TFEC: variants seen among roughly 807,000 people sequenced by gnomAD.
TFEC encodes class E basic helix-loop-helix protein 34.
TFEC carries 31 observed loss-of-function variants against 41.6 expected under a neutral mutation model. That is an observed-to-expected ratio of 0.74 (90% CI 0.56 to 1.01). TFEC has a LOEUF of 1.01. TFEC is among the 50% of genes least tolerant of loss of function. The pLI, the probability that TFEC is intolerant of heterozygous loss-of-function variation, is 0.00. For synonymous variants in TFEC, 143 were observed against 140.6 expected, an observed-to-expected ratio of 1.02 and a Z score of -0.12; for missense variants, 402 against 404.1, an observed-to-expected ratio of 0.99 and a Z score of 0.04.
intron 3 of TFEC, among the ~76,000 whole-genome samples, chr7:116,093,646 T>G (rs1478934581): frequency 6.6e-6 from 1 of 152,180 alleles, no homozygotes; most frequent in Admixed American, 6.5e-5. Flanking sequence ...ATTTTACATC[T>G]GCTATGCCAA....
chr7:116,041,642 T>C (rs1796039362), intron 3 of TFEC, among the ~76,000 whole-genome samples: 1 of 152,192 alleles, frequency 6.6e-6, no homozygotes, highest in South Asian at 2.1e-4. Context: ...GTAATTCTCT[T>C]CTCCTGTGTA....
chr7:115,943,671 T>C (rs1333685652), intron 6 of TFEC, among the ~76,000 whole-genome samples: 1 of 151,614 alleles, frequency 6.6e-6, no homozygotes. Flanking sequence ...TTCAACAAAG[T>C]AGGCATTACA....
intron 3 of TFEC, among the ~76,000 whole-genome samples, chr7:116,038,424 T>C (rs1323852739): frequency 6.6e-6 from 1 of 151,976 alleles, no homozygotes; most frequent in East Asian, 1.9e-4. Flanking sequence ...CACTAAGGCA[T>C]AAACGACTGA....
chr7:116,002,407 T>C (rs1338738662), intron 1 of TFEC, among the ~76,000 whole-genome samples: 2 of 152,210 alleles, frequency 1.3e-5, no homozygotes, highest in South Asian at 2.1e-4. Context: ...CATTTTGTTA[T>C]GTGAAATAAG....
At chr7:116,081,104 A>G (rs1156296046) in intron 3 of TFEC, among the ~76,000 whole-genome samples, 1 of 151,828 alleles carries the variant, frequency 6.6e-6, no homozygotes, top group African/African-American at 2.4e-5. Context: ...ATTCTAAGTG[A>G]AGTACCTCCG....
chr7:116,082,375 G>A (rs1301646053), intron 3 of TFEC, among the ~76,000 whole-genome samples: 2 of 151,866 alleles, frequency 1.3e-5, no homozygotes, highest in Non-Finnish European at 2.9e-5. Context: ...ACACTGAAAC[G>A]ATGGTATCTA....
At chr7:116,090,840 C>G (rs1190735147) in intron 3 of TFEC, among the ~76,000 whole-genome samples, 1 of 151,826 alleles carries the variant, frequency 6.6e-6, no homozygotes, top group African/African-American at 2.4e-5. Context: ...AGCTGTAAAC[C>G]ATTATTCTCA....
chr7:116,041,077 C>T (rs1796025156), intron 3 of TFEC, among the ~76,000 whole-genome samples: 1 of 151,988 alleles, frequency 6.6e-6, no homozygotes, highest in African/African-American at 2.4e-5. Flanking sequence ...TGAAAAGGAT[C>T]GGTTAAAAGT....
chr7:116,114,533 TTCTGGATGCTGAGGGCA>T (rs1400753880), intron 1 of TFEC, among the ~76,000 whole-genome samples: 1 of 151,964 alleles, frequency 6.6e-6, no homozygotes, highest in Non-Finnish European at 1.5e-5. Flanking sequence ...TTGAGAGATG[TTCTGGATGCTGAGGGCA>T]TCTGGATGCT....
chr7:115,976,929 A>G (rs1029863998), intron 2 of TFEC, among the ~76,000 whole-genome samples: 1 of 152,180 alleles, frequency 6.6e-6, no homozygotes, highest in Non-Finnish European at 1.5e-5. Context: ...CCCTTATTCC[A>G]GAAAGAAACT....
At chr7:115,968,299 A>G (rs1023651559) in intron 3 of TFEC, 1 of 1,508,846 alleles carries the variant, frequency 6.6e-7, no homozygotes, top group Non-Finnish European at 8.8e-7. Context: ...CTGTGTGGAA[A>G]CTTCTACACT....
chr7:115,995,967 C>G (rs1386765554), intron 1 of TFEC, among the ~76,000 whole-genome samples: 2 of 152,174 alleles, frequency 1.3e-5, no homozygotes, highest in Non-Finnish European at 2.9e-5. Context: ...ATGGGTAAAG[C>G]TCTCTGGGTT....
intron 1 of TFEC, among the ~76,000 whole-genome samples, chr7:116,131,714 T>G (rs1037920460): frequency 6.6e-6 from 1 of 152,200 alleles, no homozygotes; most frequent in Non-Finnish European, 1.5e-5. Context: ...TCAAGTATTG[T>G]TCCATCTTGT....
chr7:116,105,780 G>A (rs530326695), intron 3 of TFEC, among the ~76,000 whole-genome samples: 1 of 152,036 alleles, frequency 6.6e-6, no homozygotes, highest in Non-Finnish European at 1.5e-5. Flanking sequence ...GCCAAAAAGA[G>A]ACAGATTTAA....
intron 5 of TFEC, among the ~76,000 whole-genome samples, chr7:115,953,882 T>C (rs1792078866): frequency 6.6e-6 from 1 of 152,110 alleles, no homozygotes; most frequent in Admixed American, 6.6e-5. Context: ...GAATTTGCAA[T>C]ATTTTATTTA....
At chr7:116,025,420 C>A (rs1584716605) in intron 1 of TFEC, among the ~76,000 whole-genome samples, 1 of 152,116 alleles carries the variant, frequency 6.6e-6, no homozygotes, top group African/African-American at 2.4e-5. Flanking sequence ...TCTTAGAGCT[C>A]CTAAATCCAA....
intron 1 of TFEC, among the ~76,000 whole-genome samples, chr7:116,123,041 C>T (rs1349977452): frequency 6.6e-6 from 1 of 151,838 alleles, no homozygotes; most frequent in African/African-American, 2.4e-5. Flanking sequence ...AAGAAAAAAA[C>T]AGAGAAAGGA....
chr7:116,036,336 C>T (rs1795909004), intron 3 of TFEC, among the ~76,000 whole-genome samples: 1 of 152,084 alleles, frequency 6.6e-6, no homozygotes, highest in African/African-American at 2.4e-5. Context: ...CCTTCACGAA[C>T]ACATTAATTT....
chr7:116,122,519 A>C lies in TFEC; in HGVS notation c.-68-10481T>G, dbSNP rs1204454406. Among the ~76,000 whole-genome samples the C allele has an allele frequency of 1.3e-5, 2 of 152,010 alleles. 1 individual carries two copies. Among genetic ancestry groups the C allele is most frequent in the African/African-American group, 4.8e-5 (2 of 41,396 alleles). On this transcript the variant is annotated intron_variant, in intron 1 of 8. Transcript: ENST00000484212. ...TGGGACCAAGACATCTCTTCCCTCT[A>C]CTGCATTAGTGATGCTTGTTCATTC...
Sources: gnomAD v4.1 joint callset for allele counts (sites outside exome capture counted in the v4.1 genomes callset) on GRCh38, gnomAD v4.1.1 for gene constraint, MANE v1.5 for transcripts, NCBI Gene and HGNC (gene_info 2026-07-23, HGNC 2026-07-21) for gene names.